The following OLFML2A variants were observed in gnomAD, a reference collection of about 807,000 sequenced individuals.
OLFML2A encodes the protein olfactomedin-like protein 2A.
Under a neutral mutation model 60.9 loss-of-function variants are expected in OLFML2A, and 47 were observed. That is an observed-to-expected ratio of 0.77 (90% CI 0.61 to 0.98). OLFML2A has a LOEUF of 0.98. Among genes scored for constraint, OLFML2A ranks in the 50% least tolerant of loss-of-function variants. The pLI is 0.00. For missense variants in OLFML2A, 922 were observed against 879.8 expected (o/e 1.05, Z -0.61); for synonymous variants, 372 against 375.0 (o/e 0.99, Z 0.09).
chr9:124,793,788 G>A (rs911601527), intron 2 of OLFML2A, among the ~76,000 whole-genome samples: 1 of 152,202 alleles, frequency 6.6e-6, no homozygotes, highest in African/African-American at 2.4e-5. Context: ...TGCTTTGGGA[G>A]GCTGAGGCAG....
intron 6 of OLFML2A, among the ~76,000 whole-genome samples, chr9:124,807,578 T>C (rs1841921540): frequency 6.6e-6 from 1 of 152,240 alleles, no homozygotes; most frequent in Admixed American, 6.5e-5. Context: ...CCATTGCGCC[T>C]GGCCTCCATT....
chr9:124,793,839 G>C (rs1216764906), intron 2 of OLFML2A, among the ~76,000 whole-genome samples: 1 of 152,188 alleles, frequency 6.6e-6, no homozygotes, highest in African/African-American at 2.4e-5. Flanking sequence ...CATTGTTCAA[G>C]ACCAGCTGGA....
At position 124,787,025 on chromosome 9, in the gene OLFML2A, C is replaced by T; in HGVS notation, c.141C>T (p.Cys47=). 1 of 1,613,910 alleles carries T rather than the reference C, an allele frequency of 6.2e-7. No homozygotes were observed. The highest frequency in any genetic ancestry group is 8.5e-7 in the Non-Finnish European group (1 of 1,179,968). The change falls in exon 2 of 8, where the codon TGC becomes TGT. Residue 47 remains cysteine (C), a synonymous_variant. Transcript: ENST00000373580. ...QVRMTSEGSD[C]RCKCIMRPLS... ...GGATGACCTCGGAGGGCTCCGACTG[C>T]CGTTGCAAGTGCATCATGCGGCCCC... is the stretch of plus-strand genomic sequence containing the variant.
rs527876928 is a variant in OLFML2A at position 124,805,273 on chromosome 9, T to C, written c.1168+931T>C. 5.9e-4 allele frequency among the ~76,000 whole-genome samples: 90 copies of C among 152,300 alleles called. 1 individual carries two copies. In the South Asian group the frequency reaches 0.018, roughly 31 times the overall value. On this transcript the variant is annotated intron_variant, in intron 6 of 7. Transcript: ENST00000373580. Reference sequence around the variant, plus strand: ...AAGGTCATTCCACTTCTAGGAATCTTTCCTGAAGGATCTACCAGCAATGGG... The same window carrying C: ...AAGGTCATTCCACTTCTAGGAATCTCTCCTGAAGGATCTACCAGCAATGGG...
intron 4 of OLFML2A, among the ~76,000 whole-genome samples, chr9:124,799,808 C>T (rs560524864): frequency 1.4e-4 from 21 of 152,304 alleles, no homozygotes; most frequent in Non-Finnish European, 2.4e-4. Context: ...GTGGTGCCCC[C>T]TGCCTGGCCC....
chr9:124,796,727 C>A (rs1208936805), intron 3 of OLFML2A, among the ~76,000 whole-genome samples: 2 of 152,214 alleles, frequency 1.3e-5, no homozygotes, highest in Admixed American at 1.3e-4. Context: ...CTGCTCTCTT[C>A]CCTGACACCA....
At chr9:124,798,594 G>A (rs1320386882) in intron 3 of OLFML2A, among the ~76,000 whole-genome samples, 1 of 151,478 alleles carries the variant, frequency 6.6e-6, no homozygotes, top group Non-Finnish European at 1.5e-5. Flanking sequence ...AGCACTTTGG[G>A]AGGCCAAGGC....
At position 124,787,118 on chromosome 9, in the gene OLFML2A, G is replaced by C. The variant is rs1334701853; in HGVS notation, c.234G>C (p.Glu78Asp). The change falls in exon 2 of 8, where the codon GAG becomes GAC. Residue 78 changes from glutamate (E) to aspartate (D), a missense_variant. By Grantham distance (45) the Glu-to-Asp change is conservative. Transcript: ENST00000373580. ...GCGTGGAGGACTTCTACACGGTGGA[G>C]ACTGTGAGCTCGGGCACTGACTGCC... Reference protein sequence around the residue: ...RARVEDFYTVETVSSGTDCRC... With the variant: ...RARVEDFYTVDTVSSGTDCRC... 1 of 1,614,136 alleles carries C rather than the reference G, an allele frequency of 6.2e-7. No individual in the cohort carries two copies. Among genetic ancestry groups the C allele is most frequent in the Non-Finnish European group, 8.5e-7 (1 of 1,180,058 alleles).
intron 2 of OLFML2A, 130 bp downstream of exon 2, chr9:124,787,368 T>G (rs1400464058): frequency 9.7e-6 from 8 of 822,564 alleles, no homozygotes; most frequent in Non-Finnish European, 1.5e-5. Flanking sequence ...ATGAGGAAAC[T>G]GAGGCTCCCT....
chr9:124,791,452 G>A (rs927482083), intron 2 of OLFML2A, among the ~76,000 whole-genome samples: 7 of 152,064 alleles, frequency 4.6e-5, no homozygotes, highest in African/African-American at 1.4e-4. Flanking sequence ...GTGAAATGAG[G>A]CAGGCCAGGC....
intron 6 of OLFML2A, among the ~76,000 whole-genome samples, chr9:124,806,877 G>A (rs1336895084): frequency 6.6e-6 from 1 of 151,852 alleles, no homozygotes; most frequent in Admixed American, 6.6e-5. Flanking sequence ...CAAACTGCTG[G>A]GATTACAGGC....
intron 3 of OLFML2A, 56 bp downstream of exon 3, chr9:124,795,187 C>T (rs1841646974): frequency 1.8e-6 from 2 of 1,142,148 alleles, no homozygotes; most frequent in South Asian, 1.3e-5. Flanking sequence ...GGGCCAAGGG[C>T]ACTGTCCGAA....
At chr9:124,793,562 G>A (rs1841607250) in intron 2 of OLFML2A, among the ~76,000 whole-genome samples, 1 of 152,204 alleles carries the variant, frequency 6.6e-6, no homozygotes, top group South Asian at 2.1e-4. Context: ...TTTGGGTTCT[G>A]CTCCTGGTTC....
intron 2 of OLFML2A, among the ~76,000 whole-genome samples, chr9:124,790,690 G>A (rs564985365): frequency 6.6e-6 from 1 of 152,256 alleles, no homozygotes; most frequent in African/African-American, 2.4e-5. Flanking sequence ...CCCCAAGGGT[G>A]GGAGTGGGTA....
chr9:124,787,249 T>C lies in OLFML2A; in HGVS notation c.354+11T>C. On this transcript the variant is annotated intron_variant, in intron 2 of 7. Coordinates refer to ENST00000373580, the MANE Select transcript of OLFML2A (RefSeq NM_182487.4). Reference sequence around the variant, plus strand: ...CCCGAGCTCCTCAAGGTAGACTTGGTGGGGTGATGGAGGGAGTAAGGGCCT... The same window carrying C: ...CCCGAGCTCCTCAAGGTAGACTTGGCGGGGTGATGGAGGGAGTAAGGGCCT... 1.2e-6 allele frequency: 2 copies of C among 1,612,136 alleles called. No homozygotes were observed. The highest frequency in any genetic ancestry group is 1.7e-6 in the Non-Finnish European group (2 of 1,178,486).
At chr9:124,785,181 C>G (rs892552905) in intron 1 of OLFML2A, among the ~76,000 whole-genome samples, 1 of 151,068 alleles carries the variant, frequency 6.6e-6, no homozygotes, top group Non-Finnish European at 1.5e-5. Flanking sequence ...CTCGAACTCC[C>G]GACCTCAGGT....
At chr9:124,793,703 A>G (rs1841610258) in intron 2 of OLFML2A, among the ~76,000 whole-genome samples, 1 of 152,172 alleles carries the variant, frequency 6.6e-6, no homozygotes, top group South Asian at 2.1e-4. Flanking sequence ...CTCTGAAGCC[A>G]GAGATTCATG....
chr9:124,786,914 C>T (rs959574501), intron 1 of OLFML2A, 61 bp from the exon 2 acceptor site: 10 of 1,543,728 alleles, frequency 6.5e-6, no homozygotes, highest in Non-Finnish European at 3.5e-6. Flanking sequence ...CTCTCCCTTC[C>T]TCCCTGCCAT....
rs759756248 is a variant in OLFML2A at position 124,801,486 on chromosome 9, C to A, written c.742C>A (p.Leu248Ile). ...SVQKSFADRGLPKPPKEKLLQ... is the reference protein window; with the variant it reads ...SVQKSFADRGIPKPPKEKLLQ... ...GCAGAAAAGCTTTGCAGACAGAGGCCTCCCAAAACCTCCCAAGGAGAAGCT... is the reference window on the plus strand; with the variant it reads ...GCAGAAAAGCTTTGCAGACAGAGGCATCCCAAAACCTCCCAAGGAGAAGCT... Residue 248 changes from leucine (L) to isoleucine (I), a missense_variant, in exon 5 of 8, where the codon CTC becomes ATC. Leu to Ile is a conservative substitution (Grantham distance 5). Transcript: ENST00000373580. 6 of 1,614,104 alleles carry A rather than the reference C, an allele frequency of 3.7e-6. No homozygotes were observed. Among genetic ancestry groups the A allele is most frequent in the Non-Finnish European group, 4.2e-6 (5 of 1,180,012 alleles).
Sources: allele counts gnomAD v4.1 joint callset (sites outside exome capture counted in the v4.1 genomes callset), GRCh38; gene constraint gnomAD v4.1.1; transcripts MANE v1.5; gene names NCBI Gene and HGNC (gene_info 2026-07-23, HGNC 2026-07-21).